Variants in MALRD1 observed in about 807,000 individuals in gnomAD.
MALRD1 encodes the protein MAM and LDL-receptor class A domain-containing protein 1.
MALRD1 carries 247 observed loss-of-function variants against 242.1 expected under a neutral mutation model. The observed-to-expected ratio is 1.02, with a 90% CI of 0.92 to 1.13. The LOEUF (loss-of-function observed/expected upper bound fraction) is 1.13. Ranked by LOEUF, MALRD1 falls within the 50% of genes most tolerant of loss-of-function variation. The pLI is 0.00. For synonymous variants in MALRD1, 995 were observed against 866.6 expected, an observed-to-expected ratio of 1.15 and a Z score of -2.60; for missense variants, 2,989 against 2,533.1, an observed-to-expected ratio of 1.18 and a Z score of -3.86.
chr10:19,205,730 A>G (rs1169485161), intron 17 of MALRD1, among the ~76,000 whole-genome samples: 3 of 152,032 alleles, frequency 2.0e-5, no homozygotes, highest in Non-Finnish European at 4.4e-5. Context: ...GAAAATAGCC[A>G]GTGTGGCTGG....
chr10:19,592,068 T>C (rs1837817338), intron 33 of MALRD1, among the ~76,000 whole-genome samples: 1 of 152,178 alleles, frequency 6.6e-6, no homozygotes, highest in Non-Finnish European at 1.5e-5. Context: ...ATCAGAAATA[T>C]TTCATTAGAA....
intron 12 of MALRD1, among the ~76,000 whole-genome samples, chr10:19,161,977 G>A (rs879926379): frequency 8.5e-5 from 13 of 152,068 alleles, no homozygotes; most frequent in African/African-American, 2.2e-4. Flanking sequence ...GCAGTGAGCC[G>A]TGATCACGCC....
intron 28 of MALRD1, among the ~76,000 whole-genome samples, chr10:19,426,685 C>T (rs1833915291): frequency 1.3e-5 from 2 of 152,086 alleles, no homozygotes; most frequent in Non-Finnish European, 2.9e-5. Flanking sequence ...TGCCTGTAGT[C>T]CCAGCTTCTT....
intron 36 of MALRD1, among the ~76,000 whole-genome samples, chr10:19,651,165 AC>A (rs1840866589): frequency 6.6e-6 from 1 of 152,242 alleles, no homozygotes; most frequent in South Asian, 2.1e-4. Flanking sequence ...GAATTTAGTT[AC>A]TATCTTAGTT....
At chr10:19,695,372 G>T (rs1387408982) in intron 38 of MALRD1, among the ~76,000 whole-genome samples, 1 of 152,084 alleles carries the variant, frequency 6.6e-6, no homozygotes, top group African/African-American at 2.4e-5. Flanking sequence ...CAGTGTATTA[G>T]CCTTTTCTCA....
At chr10:19,236,759 T>A (rs761263891) in intron 18 of MALRD1, among the ~76,000 whole-genome samples, 8 of 152,256 alleles carry the variant, frequency 5.3e-5, no homozygotes, top group Non-Finnish European at 1.0e-4. Context: ...ACGTTTTTCA[T>A]TTTTATAAGC....
At chr10:19,099,748 C>T (rs1438303283) in intron 4 of MALRD1, among the ~76,000 whole-genome samples, 3 of 116,302 alleles carry the variant, frequency 2.6e-5, no homozygotes, top group South Asian at 5.6e-4. Flanking sequence ...CTCCATAGAA[C>T]CTATATATAT....
chr10:19,719,749 GA>G (rs1383152613), intron 38 of MALRD1, among the ~76,000 whole-genome samples: 1 of 151,986 alleles, frequency 6.6e-6, no homozygotes, highest in Non-Finnish European at 1.5e-5. Context: ...ACTTGAAAAT[GA>G]AAATGTGAGT....
chr10:19,373,942 A>G (rs1845493250), intron 26 of MALRD1, among the ~76,000 whole-genome samples: 1 of 152,200 alleles, frequency 6.6e-6, no homozygotes. Flanking sequence ...CTCACCCTGA[A>G]TAGTGCAAAA....
chr10:19,676,986 G>A (rs1434735731), intron 36 of MALRD1, among the ~76,000 whole-genome samples: 1 of 152,142 alleles, frequency 6.6e-6, no homozygotes, highest in Non-Finnish European at 1.5e-5. Context: ...TCCCTGCCAA[G>A]AACATGATCT....
At chr10:19,320,188 A>G (rs1951397458) in intron 21 of MALRD1, among the ~76,000 whole-genome samples, 1 of 151,452 alleles carries the variant, frequency 6.6e-6, no homozygotes, top group Non-Finnish European at 1.5e-5. Context: ...CCCTGCATGC[A>G]TTAGGTGTTT....
intron 23 of MALRD1, among the ~76,000 whole-genome samples, chr10:19,329,064 A>T (rs1324015205): frequency 6.6e-5 from 10 of 152,224 alleles, no homozygotes; most frequent in Non-Finnish European, 1.5e-5. Context: ...TTATTAATTT[A>T]GCCATTCTGA....
intron 1 of MALRD1, among the ~76,000 whole-genome samples, chr10:19,060,079 C>T (rs1488522502): frequency 6.6e-6 from 1 of 152,090 alleles, no homozygotes; most frequent in Non-Finnish European, 1.5e-5. Flanking sequence ...CTTTTTCTTC[C>T]CCATCACAAC....
At position 19,288,646 on chromosome 10, in the gene MALRD1, CCT is replaced by C. The variant is rs553009696; in HGVS notation, c.3419+5466_3419+5467del. Among the ~76,000 whole-genome samples the C allele has an allele frequency of 1.2e-4, 18 of 152,092 alleles. No individual in the cohort carries two copies. The East Asian group carries it at 2.5e-3, about 21-fold the overall frequency. On this transcript the variant is annotated intron_variant, in intron 21 of 39. Transcript: ENST00000454679. The stretch of plus-strand genomic sequence containing the variant: ...GAGGTTCCGTAACTAGTATCTTTCC[CCT>C]GTTTTGTAGTCCACAGTTCTGTTGT...
chr10:19,303,860 G>A (rs544996178), intron 21 of MALRD1, among the ~76,000 whole-genome samples: 8 of 151,756 alleles, frequency 5.3e-5, no homozygotes, highest in Admixed American at 2.6e-4. Flanking sequence ...TTGAAAAAGT[G>A]GATTCATATA....
At chr10:19,251,808 G>A (rs977706656) in intron 18 of MALRD1, among the ~76,000 whole-genome samples, 10 of 151,990 alleles carry the variant, frequency 6.6e-5, no homozygotes, top group African/African-American at 2.4e-4. Flanking sequence ...CAGGACTGGT[G>A]AAAGTGATTG....
chr10:19,670,885 T>C (rs1261367389), intron 36 of MALRD1, among the ~76,000 whole-genome samples: 2 of 151,310 alleles, frequency 1.3e-5, no homozygotes, highest in Non-Finnish European at 2.9e-5. Flanking sequence ...AATCATTTTT[T>C]TTTTTTTTTT....
At chr10:19,167,286 G>A (rs1834731141) in intron 13 of MALRD1, among the ~76,000 whole-genome samples, 1 of 152,184 alleles carries the variant, frequency 6.6e-6, no homozygotes, top group Non-Finnish European at 1.5e-5. Context: ...TTGAACCTGG[G>A]AGGTGGAAGT....
chr10:19,603,168 C>A (rs1317697894), intron 34 of MALRD1, among the ~76,000 whole-genome samples: 1 of 152,058 alleles, frequency 6.6e-6, no homozygotes, highest in Admixed American at 6.6e-5. Flanking sequence ...ATGGTAATTT[C>A]TTTTGCTGTG....
Sources: allele counts gnomAD v4.1 joint callset (sites outside exome capture counted in the v4.1 genomes callset), GRCh38; gene constraint gnomAD v4.1.1; transcripts MANE v1.5; gene names NCBI Gene and HGNC (gene_info 2026-07-23, HGNC 2026-07-21).